The following MMP26 variants were observed in gnomAD, a reference collection of about 807,000 sequenced individuals.
MMP26 encodes the protein matrix metalloproteinase-26.
A neutral mutation model predicts 31.0 loss-of-function variants in MMP26; 33 were observed. The observed-to-expected ratio is 1.06, with a 90% CI of 0.81 to 1.42. MMP26 has a LOEUF of 1.42. MMP26 is among the 40% of genes most tolerant of loss of function. MMP26 has a pLI of 0.00. For synonymous variants in MMP26, 122 were observed against 114.9 expected (o/e 1.06, Z -0.40); for missense variants, 347 against 316.1 (o/e 1.10, Z -0.74).
At position 4,958,965 on chromosome 11, in the gene MMP26, G is replaced by C. The variant is rs376059063; in HGVS notation, c.-144-29103G>C. Among the ~76,000 whole-genome samples, 104 of 152,286 alleles carry C rather than the reference G, an allele frequency of 6.8e-4. 1 individual carries two copies. The highest frequency in any genetic ancestry group is 3.1e-3 in the Admixed American group (47 of 15,304). ...AACAAATGCAGAAGATAGGCCGGGC[G>C]CGGTGGCTCACGCCTGTAATCCCAC... On this transcript the variant is annotated intron_variant, in intron 2 of 7. Transcript: ENST00000380390.
rs1270113844 is a variant in MMP26, at chr11:4,733,024, G to A, written c.-217+27979G>A. On this transcript the variant is annotated intron_variant, in intron 1 of 7. Coordinates refer to ENST00000380390, the MANE Select transcript of MMP26 (RefSeq NM_021801.5). ...TCACTGAGGGATATGTCTATCCTAT[G>A]CCAGTACTATGTACTGTCTGGATAA... 2.0e-5 allele frequency among the ~76,000 whole-genome samples: 3 copies of A among 152,318 alleles called. No individual in the cohort carries two copies. The East Asian group carries it at 5.8e-4, about 29-fold the overall frequency.
chr11:4,838,037 G>T (rs1048459673), intron 2 of MMP26, among the ~76,000 whole-genome samples: 1 of 151,716 alleles, frequency 6.6e-6, no homozygotes, highest in African/African-American at 2.4e-5. Context: ...TGATTTGCTG[G>T]CCAGGCACGG....
intron 2 of MMP26, chr11:4,803,453 A>G: frequency 6.2e-7 from 1 of 1,607,724 alleles, no homozygotes. Flanking sequence ...TTTCCACAAC[A>G]TCCTTGGATA....
chr11:4,881,839 T>G (rs1028278399), intron 2 of MMP26: 2 of 1,373,030 alleles, frequency 1.5e-6, no homozygotes, highest in Non-Finnish European at 2.1e-6. Flanking sequence ...AAATGTATGC[T>G]ATATATATAA....
intron 2 of MMP26, among the ~76,000 whole-genome samples, chr11:4,789,528 C>G (rs575142293): frequency 3.2e-5 from 3 of 92,940 alleles, no homozygotes; most frequent in African/African-American, 4.6e-5. Flanking sequence ...GATATCCCCC[C>G]ACTTTTTTTT....
At chr11:4,788,317 TCCA>T (rs1848976486) in intron 2 of MMP26, among the ~76,000 whole-genome samples, 2 of 151,726 alleles carry the variant, frequency 1.3e-5, no homozygotes, top group Admixed American at 6.6e-5. Flanking sequence ...CTGAGATTCC[TCCA>T]CAGAGGGAGC....
intron 2 of MMP26, among the ~76,000 whole-genome samples, chr11:4,931,960 CCTT>C (rs1483685311): frequency 6.6e-6 from 1 of 152,008 alleles, no homozygotes; most frequent in African/African-American, 2.4e-5. Flanking sequence ...CTTTTCTACT[CCTT>C]ATCATCTTGC....
chr11:4,861,002 A>G (rs1457638739), intron 2 of MMP26, among the ~76,000 whole-genome samples: 4 of 151,426 alleles, frequency 2.6e-5, no homozygotes, highest in Non-Finnish European at 4.4e-5. Context: ...CCACAACTAC[A>G]TACAATCCCA....
chr11:4,970,951 G>C (rs1485878289), intron 2 of MMP26, among the ~76,000 whole-genome samples: 2 of 152,150 alleles, frequency 1.3e-5, no homozygotes, highest in Non-Finnish European at 2.9e-5. Flanking sequence ...GGAGTGAATA[G>C]ACCTGGTGGA....
At chr11:4,861,430 A>G (rs1298816551) in intron 2 of MMP26, among the ~76,000 whole-genome samples, 1 of 151,134 alleles carries the variant, frequency 6.6e-6, no homozygotes, top group Non-Finnish European at 1.5e-5. Flanking sequence ...AAGTAATTGC[A>G]GTTTTTGCCT....
chr11:4,742,499 T>C (rs939046873), intron 1 of MMP26, among the ~76,000 whole-genome samples: 1 of 152,154 alleles, frequency 6.6e-6, no homozygotes, highest in Non-Finnish European at 1.5e-5. Context: ...GATGCCTAGA[T>C]ATATGATTAA....
intron 1 of MMP26, among the ~76,000 whole-genome samples, chr11:4,742,270 A>C (rs1200320560): frequency 1.3e-5 from 2 of 152,248 alleles, no homozygotes; most frequent in African/African-American, 4.8e-5. Context: ...ACTAGAGGAC[A>C]AAGACAAGTA....
intron 2 of MMP26, among the ~76,000 whole-genome samples, chr11:4,938,922 G>A (rs1486966183): frequency 1.3e-5 from 2 of 152,098 alleles, no homozygotes; most frequent in Non-Finnish European, 2.9e-5. Context: ...CGCTGAATGA[G>A]TAGTCATCAA....
Position 4,882,384 on chromosome 11 carries a change from T to G in MMP26, c.-144-105684T>G, listed in dbSNP as rs374872483. 130 of 1,613,860 alleles carry G rather than the reference T, an allele frequency of 8.1e-5. No individual in the cohort carries two copies. Among genetic ancestry groups the G allele is most frequent in the Non-Finnish European group, 1.0e-4 (123 of 1,179,954 alleles). The stretch of plus-strand genomic sequence containing the variant: ...CCAGCAGTTTTCTTACTTCCCCTTC[T>G]TGTAGCCATAAACACTGTGTCTTTT... On this transcript the variant is annotated intron_variant, in intron 2 of 7. Transcript: ENST00000380390.
chr11:4,831,458 T>C (rs892472708), intron 2 of MMP26, among the ~76,000 whole-genome samples: 1 of 152,242 alleles, frequency 6.6e-6, no homozygotes, highest in Non-Finnish European at 1.5e-5. Context: ...TGAATCATTT[T>C]ACAATGTGTA....
chr11:4,807,505 A>G (rs752638001), intron 2 of MMP26, among the ~76,000 whole-genome samples: 13 of 151,922 alleles, frequency 8.6e-5, no homozygotes, highest in Non-Finnish European at 1.2e-4. Flanking sequence ...TTCTAAGCAA[A>G]CTGTCACAAG....
chr11:4,893,206 A>G (rs1171189928), intron 2 of MMP26, among the ~76,000 whole-genome samples: 3 of 152,136 alleles, frequency 2.0e-5, no homozygotes, highest in Non-Finnish European at 4.4e-5. Flanking sequence ...GGATCAAATA[A>G]ACTTCTGTTT....
At chr11:4,831,483 A>C (rs1849645971) in intron 2 of MMP26, among the ~76,000 whole-genome samples, 1 of 152,222 alleles carries the variant, frequency 6.6e-6, no homozygotes, top group African/African-American at 2.4e-5. Context: ...TTTCAGGCAC[A>C]TATCATCCCT....
chr11:4,771,016 T>A (rs918061093), intron 2 of MMP26, among the ~76,000 whole-genome samples: 1 of 152,054 alleles, frequency 6.6e-6, no homozygotes, highest in Non-Finnish European at 1.5e-5. Context: ...AGTGTGGTAA[T>A]GATGAAAGTA....
Sources: gnomAD v4.1 joint callset for allele counts (sites outside exome capture counted in the v4.1 genomes callset) on GRCh38, gnomAD v4.1.1 for gene constraint, MANE v1.5 for transcripts, NCBI Gene and HGNC (gene_info 2026-07-23, HGNC 2026-07-21) for gene names.